Variants in SCIN observed in about 807,000 individuals in gnomAD.
The protein encoded by SCIN is scinderin.
Under a neutral mutation model 91.8 loss-of-function variants are expected in SCIN, and 91 were observed. The ratio of observed to expected loss-of-function variants is 0.99; its 90% CI spans 0.84 to 1.18. The LOEUF (loss-of-function observed/expected upper bound fraction) is 1.18. Ranked by LOEUF, SCIN falls within the 50% of genes most tolerant of loss-of-function variation. The pLI is 0.00. For missense variants in SCIN, 1,087 were observed against 863.9 expected, an observed-to-expected ratio of 1.26 and a Z score of -3.24; for synonymous variants, 367 against 312.6, an observed-to-expected ratio of 1.17 and a Z score of -1.84.
intron 4 of SCIN, among the ~76,000 whole-genome samples, chr7:12,608,446 A>C (rs1783125552): frequency 6.6e-6 from 1 of 151,992 alleles, no homozygotes; most frequent in Non-Finnish European, 1.5e-5. Context: ...AAATCTAAAA[A>C]TTTTTCAAAT....
chr7:12,632,327 C>T (rs999730092), intron 9 of SCIN, among the ~76,000 whole-genome samples: 4 of 151,986 alleles, frequency 2.6e-5, no homozygotes, highest in African/African-American at 9.7e-5. Context: ...GATAGTATTT[C>T]ACCATGTTGG....
In SCIN at chr7:12,657,568, ATATATTT is replaced by A. The variant is rs1442091743; in HGVS notation, c.*4855_*4861del. On this transcript the variant is annotated 3_prime_UTR_variant, in exon 16 of 16. Coordinates refer to ENST00000297029, the MANE Select transcript of SCIN (RefSeq NM_001112706.3). ...TATATATATATATATATATATATAT[ATATATTT>A]TTTTTTTTTTTTTTTTTTTTTTTGC... 138 of 20,584 alleles carry A rather than the reference ATATATTT, an allele frequency of 6.7e-3. 3 individuals carry two copies. Among genetic ancestry groups the A allele is most frequent in the Non-Finnish European group, 0.011 (122 of 10,970 alleles). 1.3% of individuals were successfully genotyped at this position (20,584 alleles called of 1,614,324 possible). A position where few individuals can be genotyped will look rare whatever the true frequency, so the allele number is the denominator to read the frequency against.
At chr7:12,636,751 AT>A (rs1431254892) in intron 10 of SCIN, among the ~76,000 whole-genome samples, 1 of 152,202 alleles carries the variant, frequency 6.6e-6, no homozygotes, top group East Asian at 1.9e-4. Context: ...GAACAATTAC[AT>A]ATTATGTAGT....
chr7:12,641,454 T>C (rs1366214899), intron 11 of SCIN, among the ~76,000 whole-genome samples: 1 of 152,096 alleles, frequency 6.6e-6, no homozygotes, highest in Non-Finnish European at 1.5e-5. Flanking sequence ...GCCTCTCTCT[T>C]TTATATCAGA....
At chr7:12,604,777 A>T (rs1783038451) in intron 4 of SCIN, 114 bp downstream of exon 4, 1 of 828,482 alleles carries the variant, frequency 1.2e-6, no homozygotes, top group Non-Finnish European at 1.8e-6. Flanking sequence ...AAGAGATTCA[A>T]CACATGTTTC....
intron 3 of SCIN, among the ~76,000 whole-genome samples, chr7:12,588,205 G>A (rs1782631157): frequency 6.6e-6 from 1 of 152,148 alleles, no homozygotes; most frequent in Non-Finnish European, 1.5e-5. Context: ...CCAAATCTTA[G>A]ATCTCTAAAA....
At chr7:12,593,586 G>T (rs541272234) in intron 3 of SCIN, among the ~76,000 whole-genome samples, 3 of 152,284 alleles carry the variant, frequency 2.0e-5, no homozygotes, top group South Asian at 4.1e-4. Flanking sequence ...GTCGATGCGG[G>T]TATATTTTTG....
At position 12,658,417 on chromosome 7, in the gene SCIN, A is replaced by G. The variant is rs375212811; in HGVS notation, c.*5702A>G. 1 of 152,200 alleles carries G rather than the reference A, an allele frequency of 6.6e-6. No homozygotes were observed. The highest frequency in any genetic ancestry group is 1.5e-5 in the Non-Finnish European group (1 of 68,042). The allele number at this position is 152,200 out of a possible 1,614,324, so 9.4% of individuals were successfully genotyped here. A position where few individuals can be genotyped will look rare whatever the true frequency, so the allele number is the denominator to read the frequency against. ...GGAGTATTGACACACCAAAGATGCTATGTAGGTGAAAATCTCTCCTAATGC... is the reference window on the plus strand; with the variant it reads ...GGAGTATTGACACACCAAAGATGCTGTGTAGGTGAAAATCTCTCCTAATGC... On this transcript the variant is annotated 3_prime_UTR_variant, in exon 16 of 16. Coordinates refer to ENST00000297029, the MANE Select transcript of SCIN (RefSeq NM_001112706.3).
intron 4 of SCIN, among the ~76,000 whole-genome samples, chr7:12,618,387 C>G (rs1263701028): frequency 1.3e-5 from 2 of 152,110 alleles, no homozygotes; most frequent in Non-Finnish European, 2.9e-5. Flanking sequence ...GTCTTTTTAT[C>G]CAAATATGCT....
chr7:12,651,454 A>G lies in SCIN; in HGVS notation c.1960-387A>G, dbSNP rs1784076850. On this transcript the variant is annotated intron_variant, in intron 14 of 15. Transcript: ENST00000297029. The surrounding 1 kb of genome is among the most constrained non-coding windows in gnomAD (Gnocchi z 5.9). ...TGAACAGCCATCTCGAAATATGTCA[A>G]AGAAGTGTATTCGGAGGTGAAATAT... 6.6e-6 allele frequency among the ~76,000 whole-genome samples: 1 copy of G among 152,210 alleles called. No homozygotes were observed. The highest frequency in any genetic ancestry group is 1.5e-5 in the Non-Finnish European group (1 of 68,020).
chr7:12,603,428 C>A (rs1405438352), intron 3 of SCIN, among the ~76,000 whole-genome samples: 6 of 152,086 alleles, frequency 3.9e-5, no homozygotes, highest in African/African-American at 7.3e-5. Context: ...CAGGCATGAG[C>A]CACCATGCCT....
intron 9 of SCIN, among the ~76,000 whole-genome samples, chr7:12,630,212 A>G (rs1381507839): frequency 6.6e-6 from 1 of 151,990 alleles, no homozygotes; most frequent in Non-Finnish European, 1.5e-5. Context: ...AGTCAAGTTC[A>G]GGAGATGGGA....
At position 12,656,261 on chromosome 7, in the gene SCIN, C is replaced by G. The variant is rs1186920017; in HGVS notation, c.*3546C>G. On this transcript the variant is annotated 3_prime_UTR_variant, in exon 16 of 16. Coordinates refer to ENST00000297029, the MANE Select transcript of SCIN (RefSeq NM_001112706.3). Reference sequence around the variant, plus strand: ...TCAAGCAATTCTTGTCCCAATCATTCTCCAAAGCTATATACTGTGAATTTA... The same window carrying G: ...TCAAGCAATTCTTGTCCCAATCATTGTCCAAAGCTATATACTGTGAATTTA... The G allele has an allele frequency of 1.3e-5, 2 of 152,180 alleles. No homozygotes were observed. 9.4% of individuals were successfully genotyped at this position (152,180 alleles called of 1,614,324 possible).
chr7:12,586,933 G>GGGA (rs1199084650), intron 3 of SCIN, among the ~76,000 whole-genome samples: 1 of 152,142 alleles, frequency 6.6e-6, no homozygotes, highest in African/African-American at 2.4e-5. Flanking sequence ...GAAGGGTAGG[G>GGGA]GGAGGGGAGG....
chr7:12,570,884 C>A lies in SCIN; in HGVS notation c.98C>A (p.Pro33His). 6.4e-7 allele frequency: 1 copy of A among 1,551,562 alleles called. No individual in the cohort carries two copies. The highest frequency in any genetic ancestry group is 8.7e-7 in the Non-Finnish European group (1 of 1,146,946). Residue 33 changes from proline to histidine, a missense_variant, in exon 1 of 16, where the codon CCC (proline) becomes CAC (histidine). By Grantham distance (77) the Pro-to-His change is moderately conservative. Coordinates refer to ENST00000297029, the MANE Select transcript of SCIN (RefSeq NM_001112706.3). ...GAGAAGCTGGAGCTGGTGCCCGTGCCCCAGAGCGCTCACGGCGACTTCTAC... is the reference window on the plus strand; with the variant it reads ...GAGAAGCTGGAGCTGGTGCCCGTGCACCAGAGCGCTCACGGCGACTTCTAC... The part of the protein sequence containing the change: ...RIEKLELVPV[P>H]QSAHGDFYVG...
chr7:12,603,335 G>A (rs1372237853), intron 3 of SCIN, among the ~76,000 whole-genome samples: 20 of 151,848 alleles, frequency 1.3e-4, no homozygotes, highest in African/African-American at 4.4e-4. Context: ...TAGTAGAGAC[G>A]GGGTTTCACT....
intron 4 of SCIN, among the ~76,000 whole-genome samples, chr7:12,613,403 T>A (rs995917639): frequency 6.6e-6 from 1 of 152,208 alleles, no homozygotes; most frequent in Non-Finnish European, 1.5e-5. Context: ...ATCAGTTTCC[T>A]CTTACATATT....
chr7:12,649,871 TG>T (rs1784044349), intron 14 of SCIN, among the ~76,000 whole-genome samples: 1 of 152,214 alleles, frequency 6.6e-6, no homozygotes, highest in Non-Finnish European at 1.5e-5. Context: ...TACAGTGTCA[TG>T]GGGGTACAAT....
In SCIN at chr7:12,570,945, G is replaced by T. The variant is rs919885392; in HGVS notation, c.159G>T (p.Lys53Asn). ...CCTACCTGGTGCTGCACACGGCCAA[G>T]ACGAGCCGAGGCTTCACCTACCACC... is the stretch of plus-strand genomic sequence containing the variant. ...GDAYLVLHTA[K>N]TSRGFTYHLH... The change falls in exon 1 of 16, where the codon AAG becomes AAT. Residue 53 changes from lysine to asparagine, a missense_variant. Physicochemically the swap from Lys to Asn is moderately conservative, Grantham distance 94 (BLOSUM62 0). Coordinates refer to ENST00000297029, the MANE Select transcript of SCIN (RefSeq NM_001112706.3). The T allele has an allele frequency of 6.4e-7, 1 of 1,551,268 alleles. No homozygotes were observed. The highest frequency in any genetic ancestry group is 1.4e-5 in the African/African-American group (1 of 73,056).
Sources: allele counts gnomAD v4.1 joint callset (sites outside exome capture counted in the v4.1 genomes callset), GRCh38; gene constraint gnomAD v4.1.1; non-coding constraint Gnocchi (gnomAD v3.1); transcripts MANE v1.5; gene names NCBI Gene and HGNC (gene_info 2026-07-23, HGNC 2026-07-21).